The following MGA variants were observed in gnomAD, a reference collection of about 807,000 sequenced individuals.
The protein encoded by MGA is MAX gene-associated protein.
In MGA, 40 loss-of-function variants were observed where a neutral mutation model predicts 261.1. That is an observed-to-expected ratio of 0.15 (90% CI 0.12 to 0.20). MGA has a LOEUF of 0.20. Ranked by LOEUF, MGA falls within the 10% of genes least tolerant of loss-of-function variation. The pLI is 1.00. For missense variants in MGA, 3,397 were observed against 3,630.5 expected, an observed-to-expected ratio of 0.94 and a Z score of 1.65; for synonymous variants, 1,302 against 1,290.6, an observed-to-expected ratio of 1.01 and a Z score of -0.19.
chr15:41,738,425 C>T (rs2061910009), intron 13 of MGA, among the ~76,000 whole-genome samples: 1 of 152,120 alleles, frequency 6.6e-6, no homozygotes, highest in Non-Finnish European at 1.5e-5. Context: ...TATGATTGAT[C>T]TACTTAATTA....
chr15:41,677,639 G>A (rs984736632), intron 2 of MGA, among the ~76,000 whole-genome samples: 1 of 152,160 alleles, frequency 6.6e-6, no homozygotes, highest in Admixed American at 6.5e-5. Context: ...CCATCTTAAT[G>A]GGTATGAAGG....
At chr15:41,708,015 C>G in intron 6 of MGA, 89 bp from the exon 7 acceptor site, 1 of 1,372,734 alleles carries the variant, frequency 7.3e-7, no homozygotes, top group Non-Finnish European at 9.9e-7. Context: ...GATTTATACA[C>G]TTACCAAATT....
chr15:41,747,253 A>G (rs1231494207), intron 15 of MGA, among the ~76,000 whole-genome samples: 2 of 152,116 alleles, frequency 1.3e-5, no homozygotes, highest in African/African-American at 4.8e-5. Context: ...AATAATTCCC[A>G]CAAACCTTTA....
rs993448976 is a variant in MGA at position 41,669,783 on chromosome 15, G to T, written c.889G>T (p.Gly297Cys). 1.9e-6 allele frequency: 3 copies of T among 1,613,984 alleles called. No individual in the cohort carries two copies. The highest frequency in any genetic ancestry group is 2.5e-6 in the Non-Finnish European group (3 of 1,179,884). Residue 297 changes from glycine to cysteine, a missense_variant, in exon 2 of 24, where the codon GGT (glycine) becomes TGT (cysteine). By Grantham distance (159) the Gly-to-Cys change is radical. Transcript: ENST00000219905. Reference sequence around the variant, plus strand: ...TGGTCATCGGGTCCGTCTTACAGAAGGTCAGGGGTCAGAGATACAACCAGG... The same window carrying T: ...TGGTCATCGGGTCCGTCTTACAGAATGTCAGGGGTCAGAGATACAACCAGG...
chr15:41,747,593 G>A (rs1242145857), intron 15 of MGA, among the ~76,000 whole-genome samples: 6 of 151,026 alleles, frequency 4.0e-5, no homozygotes, highest in African/African-American at 4.9e-5. Flanking sequence ...GTGCACCTGT[G>A]GTCCCAGCTA....
chr15:41,709,926 A>G (rs975468011), intron 7 of MGA, among the ~76,000 whole-genome samples: 3 of 151,344 alleles, frequency 2.0e-5, no homozygotes, highest in Admixed American at 1.3e-4. Flanking sequence ...GGTTCAAGCA[A>G]TTCTCCTGCT....
intron 1 of MGA, among the ~76,000 whole-genome samples, chr15:41,664,167 G>A (rs1331876237): frequency 1.3e-5 from 2 of 152,152 alleles, no homozygotes; most frequent in East Asian, 1.9e-4. Context: ...TAAGTCAGAA[G>A]TTTATTTTCC....
chr15:41,681,034 G>A (rs2058643149), intron 2 of MGA, among the ~76,000 whole-genome samples: 1 of 152,158 alleles, frequency 6.6e-6, no homozygotes, highest in South Asian at 2.1e-4. Context: ...ATGAATGACA[G>A]TCCCTTCTGT....
intron 15 of MGA, among the ~76,000 whole-genome samples, chr15:41,746,348 C>T (rs2062466231): frequency 6.6e-6 from 1 of 152,006 alleles, no homozygotes; most frequent in Non-Finnish European, 1.5e-5. Flanking sequence ...TAAGACCAGC[C>T]TGGCCAACAT....
At chr15:41,734,658 A>G (rs1311302626) in intron 12 of MGA, 64 bp downstream of exon 12, 2 of 1,250,652 alleles carry the variant, frequency 1.6e-6, no homozygotes, top group Non-Finnish European at 2.2e-6. Flanking sequence ...TATAGTAATA[A>G]TGGGAGAAAA....
chr15:41,654,796 G>C lies in MGA; in HGVS notation c.-67-14032G>C, dbSNP rs540530323. On this transcript the variant is annotated intron_variant, in intron 1 of 8. Coordinates refer to the MGA transcript ENST00000566718. ...CCCAAAGTACTGGGATTACAGGCCC[G>C]AGCCACTGTGCCTGACTGACATTTT... is the stretch of plus-strand genomic sequence containing the variant. Among the ~76,000 whole-genome samples the C allele has an allele frequency of 6.6e-4, 101 of 152,236 alleles. 1 individual carries two copies. Among genetic ancestry groups the C allele is most frequent in the African/African-American group, 2.4e-3 (98 of 41,544 alleles).
chr15:41,711,360 G>A lies in MGA; in HGVS notation c.3084+11G>A, dbSNP rs751148023. 1 of 1,575,354 alleles carries A rather than the reference G, an allele frequency of 6.3e-7. No homozygotes were observed. Among genetic ancestry groups the A allele is most frequent in the African/African-American group, 1.4e-5 (1 of 73,570 alleles). On this transcript the variant is annotated intron_variant, in intron 8 of 23. Transcript: ENST00000219905. ...CTACTTACAGCTCAAGTAAGTAGCT[G>A]CTGTTTTCTGGAGGTATATTAGTGC...
At chr15:41,672,475 G>A (rs2058113205) in intron 2 of MGA, among the ~76,000 whole-genome samples, 1 of 152,114 alleles carries the variant, frequency 6.6e-6, no homozygotes, top group African/African-American at 2.4e-5. Flanking sequence ...TTTTGTTATA[G>A]AAAGCAGCTG....
chr15:41,660,885 G>C (rs956002670), intron 1 of MGA, among the ~76,000 whole-genome samples: 10 of 152,218 alleles, frequency 6.6e-5, no homozygotes, highest in African/African-American at 2.4e-4. Flanking sequence ...TACGGTCCGC[G>C]TGACGACTTC....
In MGA at chr15:41,760,523, T is replaced by C; in HGVS notation, c.7392T>C (p.Leu2464=). Reference sequence around the variant, plus strand: ...CCAAGGTTTCCAAAAGTCTCATTCTTACTCGAGTAAGTGTTCTGTGTAAAT... The same window carrying C: ...CCAAGGTTTCCAAAAGTCTCATTCTCACTCGAGTAAGTGTTCTGTGTAAAT... The change falls in exon 20 of 24, where the codon CTT becomes CTC. Residue 2464 remains leucine (L), a synonymous_variant. Coordinates refer to ENST00000219905, the MANE Select transcript of MGA (RefSeq NM_001164273.2). 2 of 1,613,892 alleles carry C rather than the reference T, an allele frequency of 1.2e-6. No individual in the cohort carries two copies. The highest frequency in any genetic ancestry group is 1.7e-6 in the Non-Finnish European group (2 of 1,179,784).
At position 41,765,198 on chromosome 15, in the gene MGA, C is replaced by A. The variant is rs2063737927; in HGVS notation, c.7921+136C>A. On this transcript the variant is annotated intron_variant, in intron 23 of 23. Coordinates refer to ENST00000219905, the MANE Select transcript of MGA (RefSeq NM_001164273.2). ...TGGCATTTGCCTTGGTAAGAGGTGG[C>A]CCTATTTTTAGAACACATTTGGCTT... is the stretch of plus-strand genomic sequence containing the variant. 19 of 1,041,896 alleles carry A rather than the reference C, an allele frequency of 1.8e-5. No individual in the cohort carries two copies. The South Asian group carries it at 2.9e-4, about 16-fold the overall frequency. 64.5% of individuals were successfully genotyped at this position (1,041,896 alleles called of 1,614,324 possible).
chr15:41,747,340 C>T (rs757217169), intron 15 of MGA, among the ~76,000 whole-genome samples: 92 of 152,120 alleles, frequency 6.0e-4, no homozygotes, highest in South Asian at 2.5e-3. Context: ...CTTTATCTTC[C>T]TCAGGTGGTA....
intron 21 of MGA, 71 bp downstream of exon 21, chr15:41,761,921 C>G: frequency 1.7e-6 from 2 of 1,190,264 alleles, no homozygotes. Flanking sequence ...CTCAGTAGAT[C>G]TTTCAGATAC....
At chr15:41,685,281 G>C (rs190746352) in intron 2 of MGA, among the ~76,000 whole-genome samples, 1 of 152,148 alleles carries the variant, frequency 6.6e-6, no homozygotes, top group Non-Finnish European at 1.5e-5. Flanking sequence ...GCACAGGTAG[G>C]TTTATTTTAT....
Sources: gnomAD v4.1 joint callset for allele counts (sites outside exome capture counted in the v4.1 genomes callset) on GRCh38, gnomAD v4.1.1 for gene constraint, MANE v1.5 for transcripts, NCBI Gene and HGNC (gene_info 2026-07-23, HGNC 2026-07-21) for gene names.